SORCS2: variants seen among roughly 807,000 people sequenced by gnomAD.
The protein encoded by SORCS2 is VPS10 domain-containing receptor SorCS2.
Under a neutral mutation model 141.6 loss-of-function variants are expected in SORCS2, and 100 were observed. That is an observed-to-expected ratio of 0.71 (90% CI 0.60 to 0.83). The LOEUF is 0.83. SORCS2 is among the 40% of genes least tolerant of loss of function. The pLI is 0.00. For missense variants in SORCS2, 1,646 were observed against 1,560.2 expected (o/e 1.05, Z -0.93); for synonymous variants, 789 against 676.9 (o/e 1.17, Z -2.57).
chr4:7,706,661 A>C (rs1227802202), intron 14 of SORCS2, among the ~76,000 whole-genome samples: 35 of 146,010 alleles, frequency 2.4e-4, no homozygotes, highest in Non-Finnish European at 3.4e-4. Flanking sequence ...CTGCCTGGGC[A>C]GGGATGAGGC....
At chr4:7,483,517 A>G (rs531312927) in intron 2 of SORCS2, among the ~76,000 whole-genome samples, 1 of 152,100 alleles carries the variant, frequency 6.6e-6, no homozygotes, top group African/African-American at 2.4e-5. Context: ...TCGATTTGGG[A>G]CTTCCATCTC....
At chr4:7,520,512 C>T (rs4689773) in intron 2 of SORCS2, among the ~76,000 whole-genome samples, 39,976 of 152,096 alleles carry the variant, frequency 0.26, 5,647 homozygotes, top group South Asian at 0.35. Flanking sequence ...CATTCTGGAA[C>T]GATCTGCTAG....
chr4:7,686,484 C>G (rs1723878940), intron 10 of SORCS2, among the ~76,000 whole-genome samples: 3 of 152,212 alleles, frequency 2.0e-5, no homozygotes, highest in Non-Finnish European at 2.9e-5. Flanking sequence ...GAGTCCCCAG[C>G]TTGGCCTGCC....
chr4:7,735,542 TG>T (rs11307451), intron 25 of SORCS2: 19,392 of 154,296 alleles, frequency 0.13, 1,291 homozygotes, highest in East Asian at 0.18. Context: ...AGAGCTGAAC[TG>T]GAGAATCTGG....
chr4:7,653,936 C>T (rs1721591856), intron 4 of SORCS2, among the ~76,000 whole-genome samples, 198 bp from the exon 5 acceptor site: 1 of 152,214 alleles, frequency 6.6e-6, no homozygotes, highest in African/African-American at 2.4e-5. Context: ...GCCAGCTGGC[C>T]CGGGGACAGG....
At chr4:7,394,317 T>C (rs13146595) in intron 1 of SORCS2, among the ~76,000 whole-genome samples, 27,926 of 151,438 alleles carry the variant, frequency 0.18, 2,817 homozygotes, top group Non-Finnish European at 0.22. Context: ...GGGAGATAAA[T>C]AAGGTCCCCA....
chr4:7,235,900 C>T (rs1389241918), intron 1 of SORCS2, among the ~76,000 whole-genome samples: 1 of 152,206 alleles, frequency 6.6e-6, no homozygotes, highest in East Asian at 1.9e-4. Flanking sequence ...CAGGTGTGAG[C>T]ACCCGTGAAA....
chr4:7,443,038 T>C (rs1190920557), intron 2 of SORCS2, among the ~76,000 whole-genome samples: 1 of 152,216 alleles, frequency 6.6e-6, no homozygotes, highest in Non-Finnish European at 1.5e-5. Flanking sequence ...TTCTTCTCTG[T>C]GTCCAAATTT....
chr4:7,623,131 A>G (rs1173044078), intron 3 of SORCS2, among the ~76,000 whole-genome samples: 1 of 151,922 alleles, frequency 6.6e-6, no homozygotes, highest in East Asian at 1.9e-4. Flanking sequence ...GGACACCGAT[A>G]CCCCATCGCT....
At chr4:7,642,866 G>A (rs950843161) in intron 4 of SORCS2, among the ~76,000 whole-genome samples, 1 of 152,152 alleles carries the variant, frequency 6.6e-6, no homozygotes, top group African/African-American at 2.4e-5. Flanking sequence ...GGCTCCAGGG[G>A]TTGCAAACCA....
intron 1 of SORCS2, among the ~76,000 whole-genome samples, chr4:7,368,664 T>C (rs185272324): frequency 6.6e-6 from 1 of 152,328 alleles, no homozygotes; most frequent in Non-Finnish European, 1.5e-5. Context: ...CCAAGACATG[T>C]TCCCTGAGTG....
chr4:7,351,113 C>A (rs570904163), intron 1 of SORCS2, among the ~76,000 whole-genome samples: 1 of 152,110 alleles, frequency 6.6e-6, no homozygotes, highest in African/African-American at 2.4e-5. Flanking sequence ...ACGCTACACG[C>A]CCCCCCACTT....
Position 7,734,400 on chromosome 4 carries a change from G to A in SORCS2, c.3311+26G>A, listed in dbSNP as rs187410161. ...GCAAGGCCCTTGGCTGCCCTCCTCTGCGGGGCTCTGACCATGGGGCCGTAG... is the reference window on the plus strand; with the variant it reads ...GCAAGGCCCTTGGCTGCCCTCCTCTACGGGGCTCTGACCATGGGGCCGTAG... On this transcript the variant is annotated intron_variant, in intron 25 of 26. Coordinates refer to ENST00000507866, the MANE Select transcript of SORCS2 (RefSeq NM_020777.3). The A allele has an allele frequency of 4.2e-5, 61 of 1,463,562 alleles. No individual in the cohort carries two copies. The Admixed American group carries it at 1.3e-3, about 31-fold the overall frequency. 90.7% of individuals were successfully genotyped at this position (1,463,562 alleles called of 1,614,324 possible).
chr4:7,477,453 G>T (rs1210710763), intron 2 of SORCS2, among the ~76,000 whole-genome samples: 1 of 151,990 alleles, frequency 6.6e-6, no homozygotes, highest in Middle Eastern at 3.2e-3. Context: ...GACTGGGGCT[G>T]ACCAAGGGCA....
At chr4:7,508,407 G>A (rs1732409932) in intron 2 of SORCS2, among the ~76,000 whole-genome samples, 1 of 142,712 alleles carries the variant, frequency 7.0e-6, no homozygotes, top group South Asian at 2.2e-4. Context: ...CTGGAGTACA[G>A]TGGCATGATC....
intron 2 of SORCS2, among the ~76,000 whole-genome samples, chr4:7,429,217 C>T (rs939967882): frequency 6.6e-6 from 1 of 152,136 alleles, no homozygotes; most frequent in Non-Finnish European, 1.5e-5. Flanking sequence ...CACGATGTCC[C>T]TGCGGCATGG....
chr4:7,420,310 G>A (rs1725956370), intron 2 of SORCS2, among the ~76,000 whole-genome samples: 1 of 152,304 alleles, frequency 6.6e-6, no homozygotes, highest in Admixed American at 6.5e-5. Context: ...GGGCCTCAGA[G>A]TCCCCATCTG....
In SORCS2 at chr4:7,663,086, G is replaced by C. The variant is rs534379473; in HGVS notation, c.953-1267G>C. On this transcript the variant is annotated intron_variant, in intron 6 of 26. Coordinates refer to ENST00000507866, the MANE Select transcript of SORCS2 (RefSeq NM_020777.3). This position sits in a 1 kb window ranked among gnomAD's most constrained non-coding sequence, Gnocchi z 4.8. The stretch of plus-strand genomic sequence containing the variant: ...AAAGAGTGGGTGAATGAGTGAGTGA[G>C]TGAGTGAATGAGTAAGTGAATGAGA... 6.6e-6 allele frequency among the ~76,000 whole-genome samples: 1 copy of C among 152,252 alleles called. No individual in the cohort carries two copies. The highest frequency in any genetic ancestry group is 1.9e-4 in the East Asian group (1 of 5,170).
intron 1 of SORCS2, among the ~76,000 whole-genome samples, chr4:7,285,458 C>T (rs796121770): frequency 6.6e-5 from 10 of 152,354 alleles, no homozygotes; most frequent in African/African-American, 2.4e-4. Context: ...TGCACTCCCC[C>T]ACACTGTTCA....
Sources: gnomAD v4.1 joint callset for allele counts (sites outside exome capture counted in the v4.1 genomes callset) on GRCh38, gnomAD v4.1.1 for gene constraint, Gnocchi (gnomAD v3.1) non-coding constraint, MANE v1.5 for transcripts, NCBI Gene and HGNC (gene_info 2026-07-23, HGNC 2026-07-21) for gene names.